The following DOCK7 variants were observed in gnomAD, a reference collection of about 807,000 sequenced individuals.
DOCK7 encodes dedicator of cytokinesis protein 7.
Under a neutral mutation model 271.0 loss-of-function variants are expected in DOCK7, and 138 were observed. The observed-to-expected ratio is 0.51, with a 90% CI of 0.44 to 0.59. The LOEUF (loss-of-function observed/expected upper bound fraction) is 0.59. Ranked by LOEUF, DOCK7 falls within the 20% of genes least tolerant of loss-of-function variation. DOCK7 has a pLI of 0.00. For synonymous variants in DOCK7, 823 were observed against 876.1 expected (o/e 0.94, Z 1.07); for missense variants, 2,066 against 2,592.4 (o/e 0.80, Z 4.41).
At chr1:62,554,779 A>G (rs543733881) in intron 21 of DOCK7, among the ~76,000 whole-genome samples, 1 of 152,356 alleles carries the variant, frequency 6.6e-6, no homozygotes, top group South Asian at 2.1e-4. Context: ...ATATTACATA[A>G]TCACTCACAC....
chr1:62,534,476 G>A (rs1645277558), intron 29 of DOCK7, among the ~76,000 whole-genome samples: 1 of 152,056 alleles, frequency 6.6e-6, no homozygotes, highest in African/African-American at 2.4e-5. Context: ...TTAGCCGGGA[G>A]TGGTGGCACG....
At chr1:62,685,711 C>T (rs1375037055) in intron 1 of DOCK7, among the ~76,000 whole-genome samples, 4 of 152,160 alleles carry the variant, frequency 2.6e-5, no homozygotes, top group Non-Finnish European at 5.9e-5. Flanking sequence ...TCATCTCCAT[C>T]CCACTTGCAT....
At chr1:62,508,686 G>T (rs1161895266) in intron 34 of DOCK7, among the ~76,000 whole-genome samples, 3 of 152,028 alleles carry the variant, frequency 2.0e-5, no homozygotes, top group Non-Finnish European at 4.4e-5. Flanking sequence ...AAAAGATCAT[G>T]TTATATTCTG....
intron 49 of DOCK7, among the ~76,000 whole-genome samples, chr1:62,457,193 G>A (rs750680321): frequency 2.0e-5 from 3 of 152,270 alleles, no homozygotes; most frequent in South Asian, 2.1e-4. Flanking sequence ...CCCGGTTAAT[G>A]AGTACCAACT....
chr1:62,679,649 A>C (rs936870891), intron 1 of DOCK7, among the ~76,000 whole-genome samples: 1 of 152,330 alleles, frequency 6.6e-6, no homozygotes, highest in East Asian at 1.9e-4. Flanking sequence ...GGCCATACAA[A>C]GCAATGGCAT....
At chr1:62,649,911 T>G (rs1386540576) in intron 4 of DOCK7, among the ~76,000 whole-genome samples, 1 of 152,186 alleles carries the variant, frequency 6.6e-6, no homozygotes, top group Non-Finnish European at 1.5e-5. Context: ...CCTTCAGGTC[T>G]CTGCTCAAAA....
intron 15 of DOCK7, chr1:62,584,796 C>T: frequency 1.3e-6 from 1 of 750,138 alleles, no homozygotes; most frequent in Non-Finnish European, 2.4e-6. Flanking sequence ...GATAAAGTCC[C>T]ATGAAAGAAG....
intron 18 of DOCK7, 55 bp downstream of exon 18, chr1:62,577,207 T>A: frequency 8.9e-7 from 1 of 1,125,414 alleles, no homozygotes; most frequent in Non-Finnish European, 1.2e-6. Flanking sequence ...AACATCTTTA[T>A]AGTAAAAAAC....
At chr1:62,680,370 C>T (rs536568166) in intron 1 of DOCK7, among the ~76,000 whole-genome samples, 1 of 152,236 alleles carries the variant, frequency 6.6e-6, no homozygotes, top group East Asian at 1.9e-4. Context: ...TTCCTTACAC[C>T]TTATACAAAA....
At chr1:62,496,605 A>C in intron 37 of DOCK7, 108 bp from the exon 38 acceptor site, 2 of 1,053,724 alleles carry the variant, frequency 1.9e-6, no homozygotes, top group Non-Finnish European at 2.6e-6. Context: ...CATTCTAAGC[A>C]AAATATTTTT....
At chr1:62,494,249 T>G (rs756234003) in intron 40 of DOCK7, 26 bp downstream of exon 40, 9 of 1,542,518 alleles carry the variant, frequency 5.8e-6, no homozygotes, top group Non-Finnish European at 6.2e-6. Context: ...ATACCTTGAT[T>G]TAATGTACAT....
At chr1:62,553,274 C>G (rs1645977576) in intron 21 of DOCK7, among the ~76,000 whole-genome samples, 1 of 138,024 alleles carries the variant, frequency 7.2e-6, no homozygotes, top group African/African-American at 2.7e-5. Flanking sequence ...ACCTTGCGAT[C>G]CGCCTGAAGA....
At chr1:62,580,011 T>C (rs761757202) in intron 16 of DOCK7, among the ~76,000 whole-genome samples, 10 of 152,140 alleles carry the variant, frequency 6.6e-5, no homozygotes, top group Non-Finnish European at 1.3e-4. Context: ...CTGCTATTCA[T>C]AACAAAAAGG....
intron 7 of DOCK7, chr1:62,641,260 C>T: frequency 2.4e-6 from 1 of 417,272 alleles, no homozygotes; most frequent in Admixed American, 2.8e-5. Flanking sequence ...TCTTCTTCTC[C>T]ATGGTGGCTG....
Position 62,513,836 on chromosome 1 carries a change from A to C in DOCK7, c.3999T>G (p.Leu1333=). 4 of 1,614,100 alleles carry C rather than the reference A, an allele frequency of 2.5e-6. No individual in the cohort carries two copies. The highest frequency in any genetic ancestry group is 3.4e-6 in the Non-Finnish European group (4 of 1,179,992). Residue 1333 remains leucine (L), a synonymous_variant, in exon 32 of 50, where the codon CTT becomes CTG. Coordinates refer to ENST00000635253, the MANE Select transcript of DOCK7 (RefSeq NM_001367561.1). ...ESSRSLLICL[L]WVLKNADETV... The stretch of plus-strand genomic sequence containing the variant: ...TTTCATCTGCATTTTTGAGAACCCA[A>C]AGTAGACAGATCAAAAGGCTTCGAC...
chr1:62,612,895 G>T (rs531005007), intron 14 of DOCK7, among the ~76,000 whole-genome samples: 1 of 152,238 alleles, frequency 6.6e-6, no homozygotes, highest in Non-Finnish European at 1.5e-5. Context: ...TACAACTAAG[G>T]CCATTACTGG....
intron 2 of DOCK7, among the ~76,000 whole-genome samples, chr1:62,660,478 A>C (rs955495753): frequency 7.2e-5 from 11 of 152,332 alleles, no homozygotes; most frequent in Admixed American, 1.3e-4. Context: ...ATGGTTAATA[A>C]CAAGTGTGGA....
At chr1:62,680,743 T>G (rs955844027) in intron 1 of DOCK7, among the ~76,000 whole-genome samples, 2 of 151,658 alleles carry the variant, frequency 1.3e-5, no homozygotes, top group Admixed American at 1.3e-4. Context: ...CAGACACTTC[T>G]CAAAAGAAGA....
intron 1 of DOCK7, among the ~76,000 whole-genome samples, chr1:62,676,159 A>G (rs1660528214): frequency 6.6e-6 from 1 of 152,252 alleles, no homozygotes; most frequent in African/African-American, 2.4e-5. Flanking sequence ...ATGAATGGAT[A>G]AACAAAATGT....
Sources: allele counts gnomAD v4.1 joint callset (sites outside exome capture counted in the v4.1 genomes callset), GRCh38; gene constraint gnomAD v4.1.1; transcripts MANE v1.5; gene names NCBI Gene and HGNC (gene_info 2026-07-23, HGNC 2026-07-21).